CEMIP2: variants seen among roughly 807,000 people sequenced by gnomAD.
CEMIP2 encodes cell surface hyaluronidase CEMIP2.
In CEMIP2, 79 loss-of-function variants were observed where a neutral mutation model predicts 146.9. The ratio of observed to expected loss-of-function variants is 0.54; its 90% CI spans 0.45 to 0.65. The LOEUF (loss-of-function observed/expected upper bound fraction) is 0.65, where lower values mean the gene tolerates loss of function less well. Among genes scored for constraint, CEMIP2 ranks in the 30% least tolerant of loss-of-function variants. The pLI, the probability that CEMIP2 is intolerant of heterozygous loss-of-function variation, is 0.00. For synonymous variants in CEMIP2, 601 were observed against 606.3 expected (o/e 0.99, Z 0.13); for missense variants, 1,596 against 1,696.2 (o/e 0.94, Z 1.04).
chr9:71,746,419 T>C, intron 2 of CEMIP2, 78 bp from the exon 3 acceptor site: 1 of 1,550,230 alleles, frequency 6.5e-7, no homozygotes, highest in East Asian at 2.3e-5. Flanking sequence ...TACCATTATT[T>C]ACTGCAGATC....
intron 14 of CEMIP2, among the ~76,000 whole-genome samples, chr9:71,716,308 A>G (rs1336179642): frequency 6.6e-6 from 1 of 152,010 alleles, no homozygotes; most frequent in Non-Finnish European, 1.5e-5. Flanking sequence ...GTGAAATTCC[A>G]GCTATATTAA....
intron 17 of CEMIP2, 22 bp from the exon 18 acceptor site, chr9:71,704,825 T>A: frequency 6.2e-7 from 1 of 1,604,452 alleles, no homozygotes; most frequent in African/African-American, 1.3e-5. Context: ...AATCAAGAAG[T>A]AAAGGGAAGA....
intron 5 of CEMIP2, among the ~76,000 whole-genome samples, chr9:71,736,341 C>T (rs1215831095): frequency 6.6e-6 from 1 of 152,158 alleles, no homozygotes; most frequent in African/African-American, 2.4e-5. Flanking sequence ...GGACTGCTCA[C>T]CTCCTTGGAA....
At chr9:71,741,770 C>CT (rs894347393) in intron 4 of CEMIP2, among the ~76,000 whole-genome samples, 5 of 150,862 alleles carry the variant, frequency 3.3e-5, no homozygotes, top group African/African-American at 1.2e-4. Flanking sequence ...TCCCAAGTAG[C>CT]TGGGATTACG....
intron 8 of CEMIP2, 108 bp from the exon 9 acceptor site, chr9:71,730,361 T>G: frequency 8.8e-7 from 1 of 1,130,880 alleles, no homozygotes; most frequent in Non-Finnish European, 1.3e-6. Flanking sequence ...AAAACAGGTT[T>G]GAACCTTAGC....
intron 12 of CEMIP2, among the ~76,000 whole-genome samples, 160 bp from the exon 13 acceptor site, chr9:71,718,239 A>T (rs765723585): frequency 6.6e-6 from 1 of 152,190 alleles, no homozygotes; most frequent in Non-Finnish European, 1.5e-5. Flanking sequence ...TCAAAGAAGA[A>T]ATTACATTTA....
chr9:71,716,050 A>G (rs1181749440), intron 14 of CEMIP2, among the ~76,000 whole-genome samples: 2 of 152,214 alleles, frequency 1.3e-5, no homozygotes, highest in East Asian at 3.8e-4. Context: ...TGTCCTGAAT[A>G]TAAGAATTAA....
At chr9:71,756,313 A>G (rs1024883521) in intron 1 of CEMIP2, among the ~76,000 whole-genome samples, 4 of 149,320 alleles carry the variant, frequency 2.7e-5, no homozygotes, top group Non-Finnish European at 5.9e-5. Flanking sequence ...GCATATATAT[A>G]TGTGCGTGTG....
intron 10 of CEMIP2, among the ~76,000 whole-genome samples, chr9:71,726,813 C>G (rs1276447122): frequency 6.6e-6 from 1 of 152,146 alleles, no homozygotes; most frequent in Non-Finnish European, 1.5e-5. Context: ...ACAAAACAGA[C>G]AAGTTGACGG....
rs111761738 is a variant in CEMIP2 at position 71,685,785 on chromosome 9, C to A, written c.3913G>T (p.Val1305Leu). 3 of 1,613,922 alleles carry A rather than the reference C, an allele frequency of 1.9e-6. No individual in the cohort carries two copies. Among genetic ancestry groups the A allele is most frequent in the Non-Finnish European group, 2.5e-6 (3 of 1,179,970 alleles). ...GCTGGTTTGGCTAATCCCAGAGGTACTAGTAAGTGTGAAATGTTTAACTGC... is the reference window on the plus strand; with the variant it reads ...GCTGGTTTGGCTAATCCCAGAGGTAATAGTAAGTGTGAAATGTTTAACTGC... ...IKQLNISHLL[V>L]PLGLAKPAHL... The change falls in exon 23 of 24, where the codon GTA becomes TTA. Residue 1305 changes from valine to leucine, a missense_variant. Val to Leu is a conservative substitution (Grantham distance 32). Coordinates refer to ENST00000377044, the MANE Select transcript of CEMIP2 (RefSeq NM_013390.3).
intron 12 of CEMIP2, 22 bp downstream of exon 12, chr9:71,722,405 G>A: frequency 1.9e-6 from 3 of 1,591,586 alleles, no homozygotes; most frequent in Non-Finnish European, 2.6e-6. Flanking sequence ...GCTTGAGTGT[G>A]ACTTAAAAGA....
At chr9:71,739,973 G>A in intron 5 of CEMIP2, 90 bp downstream of exon 5, 1 of 1,235,162 alleles carries the variant, frequency 8.1e-7, no homozygotes, top group Non-Finnish European at 1.1e-6. Context: ...CAGGCGGACT[G>A]TCATTTGAAC....
At chr9:71,691,241 A>G (rs1346799717) in intron 21 of CEMIP2, among the ~76,000 whole-genome samples, 1 of 152,068 alleles carries the variant, frequency 6.6e-6, no homozygotes, top group Non-Finnish European at 1.5e-5. Context: ...ATCCTGACCA[A>G]CAAGGTGAAA....
At chr9:71,747,269 T>C (rs574562899) in intron 2 of CEMIP2, among the ~76,000 whole-genome samples, 4 of 152,284 alleles carry the variant, frequency 2.6e-5, no homozygotes, top group Non-Finnish European at 4.4e-5. Context: ...TTATAAAGCA[T>C]AGAATCAGCT....
intron 22 of CEMIP2, among the ~76,000 whole-genome samples, chr9:71,689,383 T>G (rs17057101): frequency 6.6e-6 from 1 of 152,204 alleles, no homozygotes; most frequent in Admixed American, 6.5e-5. Flanking sequence ...AATCAACATC[T>G]GCGGCAAAGG....
chr9:71,766,777 G>A (rs1388136732), intron 1 of CEMIP2, among the ~76,000 whole-genome samples: 1 of 152,226 alleles, frequency 6.6e-6, no homozygotes, highest in African/African-American at 2.4e-5. Context: ...AAGAACAGGT[G>A]ATGACTCAGA....
chr9:71,744,125 G>A (rs952554051), intron 4 of CEMIP2, among the ~76,000 whole-genome samples: 4 of 152,156 alleles, frequency 2.6e-5, no homozygotes, highest in Admixed American at 2.6e-4. Context: ...CTATGAAGCC[G>A]ATGTTTTGGG....
At chr9:71,766,277 T>C (rs1824790829) in intron 1 of CEMIP2, among the ~76,000 whole-genome samples, 1 of 152,018 alleles carries the variant, frequency 6.6e-6, no homozygotes, top group Non-Finnish European at 1.5e-5. Flanking sequence ...TTTACCATGT[T>C]GGCCAGGCTG....
chr9:71,696,772 C>A (rs887234248), intron 20 of CEMIP2, among the ~76,000 whole-genome samples: 1 of 151,144 alleles, frequency 6.6e-6, no homozygotes, highest in African/African-American at 2.4e-5. Flanking sequence ...TCCATCTCAA[C>A]AACAACAACA....
Sources: gnomAD v4.1 joint callset for allele counts (sites outside exome capture counted in the v4.1 genomes callset) on GRCh38, gnomAD v4.1.1 for gene constraint, MANE v1.5 for transcripts, NCBI Gene and HGNC (gene_info 2026-07-23, HGNC 2026-07-21) for gene names.